Variants in SLC14A2 observed in about 807,000 individuals in gnomAD.
SLC14A2 encodes solute carrier family 14 member 2.
A neutral mutation model predicts 104.6 loss-of-function variants in SLC14A2; 91 were observed. That is an observed-to-expected ratio of 0.87 (90% confidence interval 0.73 to 1.04). The LOEUF is 1.04. Ranked by LOEUF, SLC14A2 falls within the 50% of genes least tolerant of loss-of-function variation. The pLI, the probability that SLC14A2 is intolerant of heterozygous loss-of-function variation, is 0.00. For synonymous variants in SLC14A2, 476 were observed against 466.4 expected (o/e 1.02, Z -0.27); for missense variants, 1,189 against 1,156.0 (o/e 1.03, Z -0.41).
intron 1 of SLC14A2, among the ~76,000 whole-genome samples, chr18:45,313,427 A>G (rs1394187412): frequency 1.3e-5 from 2 of 152,198 alleles, no homozygotes; most frequent in Non-Finnish European, 2.9e-5. Flanking sequence ...CTAGGCCTCA[A>G]ACTCACAAAG....
At chr18:45,192,012 T>C in the SLC14A2 span, among the ~76,000 whole-genome samples, 2 of 152,194 alleles carry the variant, frequency 1.3e-5, no homozygotes, top group African/African-American at 2.4e-5. Flanking sequence ...ATAAAACTTG[T>C]CTATTGAGGA....
the SLC14A2 span, among the ~76,000 whole-genome samples, chr18:45,170,228 T>A: frequency 6.6e-6 from 1 of 152,070 alleles, no homozygotes; most frequent in African/African-American, 2.4e-5. Flanking sequence ...CTCCTTTTGC[T>A]CTACAACTTC....
At chr18:45,336,191 G>C (rs1011676834) in intron 1 of SLC14A2, among the ~76,000 whole-genome samples, 13 of 152,156 alleles carry the variant, frequency 8.5e-5, no homozygotes, top group Non-Finnish European at 1.8e-4. Flanking sequence ...GTACCACCTG[G>C]ACACCCACTT....
At chr18:45,334,136 C>T (rs1006295259) in intron 1 of SLC14A2, among the ~76,000 whole-genome samples, 1 of 152,102 alleles carries the variant, frequency 6.6e-6, no homozygotes, top group African/African-American at 2.4e-5. Flanking sequence ...TGGTTTGCTC[C>T]AGGATTTGTA....
At chr18:45,676,919 C>A (rs1325484519) in intron 18 of SLC14A2, among the ~76,000 whole-genome samples, 1 of 152,236 alleles carries the variant, frequency 6.6e-6, no homozygotes, top group Non-Finnish European at 1.5e-5. Flanking sequence ...GAAGCCAGTG[C>A]TTTTTCTACC....
intron 2 of SLC14A2, among the ~76,000 whole-genome samples, chr18:45,595,691 C>T (rs571934570): frequency 2.0e-4 from 30 of 152,212 alleles, no homozygotes; most frequent in African/African-American, 6.7e-4. Flanking sequence ...CCTCTATTTC[C>T]TAGGAGGGTT....
At chr18:45,582,276 T>C (rs561362378) in intron 2 of SLC14A2, among the ~76,000 whole-genome samples, 1 of 152,214 alleles carries the variant, frequency 6.6e-6, no homozygotes, top group South Asian at 2.1e-4. Context: ...TCAGAAGGGA[T>C]TGAGATGGCC....
At chr18:45,240,366 A>AT in intron 1 of SLC14A2, among the ~76,000 whole-genome samples, 1 of 152,110 alleles carries the variant, frequency 6.6e-6, no homozygotes, top group East Asian at 1.9e-4. Flanking sequence ...AAGCTCTGGG[A>AT]TTACAGGCAT....
chr18:45,666,149 G>A lies in SLC14A2; in HGVS notation c.1487G>A (p.Gly496Asp). ...CTTCTAACTCCAGTGTTTGGAAAAG[G>A]CGAACACCAGGAAAGACAAAACAAA... is the stretch of plus-strand genomic sequence containing the variant. Reference protein sequence around the residue: ...IRRRSKVFGKGEHQERQNKDP... With the variant: ...IRRRSKVFGKDEHQERQNKDP... Residue 496 changes from glycine (G) to aspartate (D), a missense_variant, in exon 12 of 20, where the codon GGC becomes GAC. Physicochemically the swap from Gly to Asp is moderately conservative, Grantham distance 94. Coordinates refer to ENST00000255226, the MANE Select transcript of SLC14A2 (RefSeq NM_007163.4). The A allele has an allele frequency of 6.2e-7, 1 of 1,613,582 alleles. No homozygotes were observed. Among genetic ancestry groups the A allele is most frequent in the Non-Finnish European group, 8.5e-7 (1 of 1,179,558 alleles).
chr18:45,516,464 T>G (rs1372790048), intron 2 of SLC14A2, among the ~76,000 whole-genome samples: 2 of 152,194 alleles, frequency 1.3e-5, no homozygotes. Flanking sequence ...GATCTGTGAT[T>G]TTTCAAGTGC....
chr18:45,546,546 C>T (rs555950691), intron 2 of SLC14A2, among the ~76,000 whole-genome samples: 5 of 152,250 alleles, frequency 3.3e-5, no homozygotes, highest in Admixed American at 3.3e-4. Context: ...GCAGGAGAGC[C>T]CTAGCTATGG....
chr18:45,534,542 C>G (rs1026263711), intron 2 of SLC14A2, among the ~76,000 whole-genome samples: 9 of 152,062 alleles, frequency 5.9e-5, no homozygotes, highest in African/African-American at 2.2e-4. Context: ...ATTTAATCCT[C>G]TAATGAATAA....
At chr18:45,271,431 T>G (rs7240116) in intron 1 of SLC14A2, among the ~76,000 whole-genome samples, 9,013 of 152,188 alleles carry the variant, frequency 0.059, 659 homozygotes, top group African/African-American at 0.16. Flanking sequence ...TTAACTGTAA[T>G]TCATGACATT....
At chr18:45,251,302 T>C (rs1008916921) in intron 1 of SLC14A2, among the ~76,000 whole-genome samples, 1 of 152,222 alleles carries the variant, frequency 6.6e-6, no homozygotes, top group Non-Finnish European at 1.5e-5. Flanking sequence ...CCTGAGTTAC[T>C]TCACTTAGAA....
intron 10 of SLC14A2, among the ~76,000 whole-genome samples, chr18:45,659,050 T>A (rs2045890809): frequency 6.6e-6 from 1 of 152,132 alleles, no homozygotes; most frequent in Non-Finnish European, 1.5e-5. Context: ...ACCGGGACAC[T>A]TAATAAGGCT....
chr18:45,451,163 G>GT (rs2086851147), intron 1 of SLC14A2, among the ~76,000 whole-genome samples: 1 of 152,156 alleles, frequency 6.6e-6, no homozygotes, highest in African/African-American at 2.4e-5. Flanking sequence ...ATTGGCAGCT[G>GT]TAAGTTAGTT....
At chr18:45,287,484 G>T (rs192436058) in intron 1 of SLC14A2, among the ~76,000 whole-genome samples, 2 of 152,332 alleles carry the variant, frequency 1.3e-5, no homozygotes, top group Admixed American at 1.3e-4. Context: ...CGGGTGAATT[G>T]TGAGACTGGG....
At chr18:45,360,842 TGAA>T (rs765996978) in intron 1 of SLC14A2, among the ~76,000 whole-genome samples, 2 of 152,220 alleles carry the variant, frequency 1.3e-5, no homozygotes, top group African/African-American at 2.4e-5. Flanking sequence ...ATCAGGGCTC[TGAA>T]GAAGAAGGGG....
chr18:45,588,969 G>A (rs1261347684), intron 2 of SLC14A2, among the ~76,000 whole-genome samples: 3 of 32,638 alleles, frequency 9.2e-5, no homozygotes, highest in African/African-American at 2.0e-4. Flanking sequence ...TTTGGGGTTG[G>A]TGGGTGGGGG....
Sources: allele counts gnomAD v4.1 joint callset (sites outside exome capture counted in the v4.1 genomes callset), GRCh38; gene constraint gnomAD v4.1.1; transcripts MANE v1.5; gene names NCBI Gene and HGNC (gene_info 2026-07-23, HGNC 2026-07-21).